MARCHF1: variants seen among roughly 807,000 people sequenced by gnomAD.
MARCHF1 encodes E3 ubiquitin-protein ligase MARCHF1.
In MARCHF1, 40 loss-of-function variants were observed where a neutral mutation model predicts 54.2. The observed-to-expected ratio is 0.74, with a 90% CI of 0.57 to 0.96. The LOEUF is 0.96. Ranked by LOEUF, MARCHF1 falls within the 40% of genes least tolerant of loss-of-function variation. The pLI is 0.00. For missense variants in MARCHF1, 586 were observed against 656.5 expected (o/e 0.89, Z 1.17); for synonymous variants, 236 against 236.3 (o/e 1.00, Z 0.01).
intron 5 of MARCHF1, among the ~76,000 whole-genome samples, chr4:163,621,102 T>C (rs1248350312): frequency 3.3e-5 from 5 of 152,176 alleles, no homozygotes; most frequent in Non-Finnish European, 7.4e-5. Context: ...TAACATGAAA[T>C]CATTGATCTG....
At chr4:164,283,189 T>C (rs1481304122) in intron 1 of MARCHF1, among the ~76,000 whole-genome samples, 1 of 151,046 alleles carries the variant, frequency 6.6e-6, no homozygotes, top group African/African-American at 2.4e-5. Context: ...GAGAGGAAAA[T>C]CGCTTAACCT....
In MARCHF1 at chr4:163,831,010, G is replaced by A. The variant is rs571902809; in HGVS notation, c.111+23011C>T. 2.5e-3 allele frequency among the ~76,000 whole-genome samples: 388 copies of A among 152,182 alleles called. 2 individuals carry two copies. The highest frequency in any genetic ancestry group is 8.7e-3 in the African/African-American group (361 of 41,518). On this transcript the variant is annotated intron_variant, in intron 4 of 9. Coordinates refer to ENST00000514618, the MANE Select transcript of MARCHF1 (RefSeq NM_001394959.1). ...GGTGGGGGCTCTTGTTCCAAGCATCGTCCTAGTAATGTTCTCAGAGTTAAT... is the reference window on the plus strand; with the variant it reads ...GGTGGGGGCTCTTGTTCCAAGCATCATCCTAGTAATGTTCTCAGAGTTAAT...
chr4:164,081,232 A>AC (rs1446631704), intron 2 of MARCHF1, among the ~76,000 whole-genome samples: 3,544 of 143,606 alleles, frequency 0.025, 287 homozygotes, highest in African/African-American at 0.091. Context: ...AAAAAAAAAA[A>AC]AAAAAGAAAT....
chr4:164,366,922 C>CTCACAACT (rs1006722590), intron 1 of MARCHF1, among the ~76,000 whole-genome samples: 1 of 151,836 alleles, frequency 6.6e-6, no homozygotes, highest in Non-Finnish European at 1.5e-5. Context: ...AAGCACCAAC[C>CTCACAACT]TCACAGCATT....
intron 3 of MARCHF1, among the ~76,000 whole-genome samples, chr4:163,893,555 T>C (rs999755598): frequency 2.6e-5 from 4 of 152,164 alleles, no homozygotes; most frequent in African/African-American, 9.7e-5. Context: ...GGAAAATAAT[T>C]TTCTGACACG....
intron 5 of MARCHF1, among the ~76,000 whole-genome samples, chr4:163,672,319 G>T (rs1309912005): frequency 1.3e-5 from 2 of 151,978 alleles, no homozygotes; most frequent in African/African-American, 2.4e-5. Context: ...GTGAAGGTTT[G>T]TTACATAGGT....
At chr4:163,789,856 G>C (rs1579288781) in intron 4 of MARCHF1, among the ~76,000 whole-genome samples, 1 of 152,032 alleles carries the variant, frequency 6.6e-6, no homozygotes, top group African/African-American at 2.4e-5. Context: ...CATCTATTAA[G>C]TAGAAGTTTC....
chr4:163,955,225 AAAAAG>A (rs1752207896), intron 3 of MARCHF1, among the ~76,000 whole-genome samples: 1 of 151,174 alleles, frequency 6.6e-6, no homozygotes, highest in Non-Finnish European at 1.5e-5. Context: ...AAAAAAAAAA[AAAAAG>A]AAAAGAAACA....
intron 3 of MARCHF1, among the ~76,000 whole-genome samples, chr4:163,936,368 TA>T (rs1184560153): frequency 6.6e-6 from 1 of 152,198 alleles, no homozygotes; most frequent in Non-Finnish European, 1.5e-5. Flanking sequence ...CTTCAGTGTG[TA>T]AAAACAACAA....
At chr4:164,071,865 T>G (rs1223446781) in intron 2 of MARCHF1, among the ~76,000 whole-genome samples, 1 of 152,178 alleles carries the variant, frequency 6.6e-6, no homozygotes, top group African/African-American at 2.4e-5. Context: ...AAATAACAAT[T>G]TACACCTTTT....
chr4:164,328,737 C>T (rs1036089984), intron 1 of MARCHF1, among the ~76,000 whole-genome samples: 12 of 152,058 alleles, frequency 7.9e-5, no homozygotes, highest in African/African-American at 2.7e-4. Context: ...ACCATGTTGC[C>T]CAGGCTGGTC....
intron 5 of MARCHF1, among the ~76,000 whole-genome samples, chr4:163,632,679 C>G (rs895737230): frequency 6.6e-6 from 1 of 152,206 alleles, no homozygotes. Context: ...GAGGGGCGCC[C>G]ACCATTGCCC....
rs117820180 is a variant in MARCHF1 at position 164,141,010 on chromosome 4, T to A, written c.-322-29348A>T. On this transcript the variant is annotated intron_variant, in intron 1 of 9. Coordinates refer to ENST00000514618, the MANE Select transcript of MARCHF1 (RefSeq NM_001394959.1). ...ACGTGTTGAGAGGTTCTCTGAATAA[T>A]AGCACCCTATTTTCCTATAACCTGA... Among the ~76,000 whole-genome samples the A allele has an allele frequency of 7.4e-4, 112 of 152,344 alleles. 1 individual carries two copies. In the East Asian group the frequency reaches 0.016, roughly 22 times the overall value.
intron 7 of MARCHF1, among the ~76,000 whole-genome samples, chr4:163,600,797 G>C (rs1740938933): frequency 6.6e-6 from 1 of 152,158 alleles, no homozygotes; most frequent in African/African-American, 2.4e-5. Context: ...ACATGGAGAG[G>C]TTTTGATTAG....
chr4:163,809,243 T>A (rs535947558), intron 4 of MARCHF1, among the ~76,000 whole-genome samples: 6 of 152,196 alleles, frequency 3.9e-5, no homozygotes, highest in Non-Finnish European at 7.3e-5. Context: ...AAGACCAGCA[T>A]AGCTATGGGT....
chr4:163,774,127 A>G (rs1389705), intron 4 of MARCHF1, among the ~76,000 whole-genome samples: 14,951 of 152,198 alleles, frequency 0.098, 1,580 homozygotes, highest in East Asian at 0.28. Flanking sequence ...AAAATGGCAT[A>G]GTATTTGCAT....
intron 1 of MARCHF1, among the ~76,000 whole-genome samples, chr4:164,363,036 G>T (rs1004821250): frequency 6.6e-6 from 1 of 151,946 alleles, no homozygotes; most frequent in Non-Finnish European, 1.5e-5. Flanking sequence ...AAGGTAAAAG[G>T]CTTATTAACA....
intron 1 of MARCHF1, among the ~76,000 whole-genome samples, chr4:164,374,913 A>T (rs1391918083): frequency 6.6e-6 from 1 of 152,170 alleles, no homozygotes; most frequent in East Asian, 1.9e-4. Flanking sequence ...GCTGGCAAGA[A>T]CTTATTGTAT....
At chr4:163,550,150 C>A (rs1309426845) in intron 8 of MARCHF1, among the ~76,000 whole-genome samples, 1 of 151,936 alleles carries the variant, frequency 6.6e-6, no homozygotes, top group Non-Finnish European at 1.5e-5. Context: ...GGCGTGGCGG[C>A]GGGCGACTGT....
Sources: allele counts gnomAD v4.1 joint callset (sites outside exome capture counted in the v4.1 genomes callset), GRCh38; gene constraint gnomAD v4.1.1; transcripts MANE v1.5; gene names NCBI Gene and HGNC (gene_info 2026-07-23, HGNC 2026-07-21).